The following ZNF670 variants were observed in gnomAD, a reference collection of about 807,000 sequenced individuals.
The protein encoded by ZNF670 is zinc finger protein 670.
A neutral mutation model predicts 10.9 loss-of-function variants in ZNF670; 7 were observed. That is an observed-to-expected ratio of 0.64 (90% confidence interval 0.36 to 1.20). ZNF670 has a LOEUF of 1.20. Ranked by LOEUF, ZNF670 falls within the 50% of genes most tolerant of loss-of-function variation. The probability of loss-of-function intolerance (pLI) is 0.02; values close to 1 mark genes in which losing one functional copy is unlikely to be tolerated. For missense variants in ZNF670, 446 were observed against 458.6 expected, an observed-to-expected ratio of 0.97 and a Z score of 0.25; for synonymous variants, 136 against 152.7, an observed-to-expected ratio of 0.89 and a Z score of 0.81.
In ZNF670 at chr1:247,037,671, T is replaced by C. The variant is rs1173890002; in HGVS notation, c.948A>G (p.Lys316=). 1 of 1,614,042 alleles carries C rather than the reference T, an allele frequency of 6.2e-7. No individual in the cohort carries two copies. The highest frequency in any genetic ancestry group is 2.2e-5 in the East Asian group (1 of 44,880). The change falls in exon 4 of 4, where the codon AAA becomes AAG. Residue 316 remains lysine, a synonymous_variant. Coordinates refer to ENST00000366503, the MANE Select transcript of ZNF670 (RefSeq NM_033213.5). The stretch of plus-strand genomic sequence containing the variant: ...ATAGGTTACTAGAATATTTGAAGGC[T>C]TTACCACATTGTTTACATTCATAGG... ...EKPYECKQCG[K]AFKYSSNLCE...
chr1:247,078,500 T>C, intron 1 of ZNF670, 94 bp downstream of exon 1: 1 of 1,529,898 alleles, frequency 6.5e-7, no homozygotes, highest in Admixed American at 1.9e-5. Context: ...CGGCGGAAAC[T>C]CGGGTCGGCA....
chr1:247,063,043 C>G (rs1021529858), intron 1 of ZNF670, among the ~76,000 whole-genome samples: 2 of 152,104 alleles, frequency 1.3e-5, no homozygotes, highest in Non-Finnish European at 2.9e-5. Context: ...AATGTCTGCG[C>G]TTAGGTAAAA....
chr1:247,038,716 T>C, intron 3 of ZNF670, 94 bp downstream of exon 3: 1 of 1,140,520 alleles, frequency 8.8e-7, no homozygotes, highest in South Asian at 1.5e-5. Context: ...AAAAAAAATT[T>C]CTAGTGGTTC....
intron 1 of ZNF670, among the ~76,000 whole-genome samples, chr1:247,072,852 A>ACG (rs1671170324): frequency 9.6e-6 from 1 of 103,794 alleles, no homozygotes; most frequent in African/African-American, 4.0e-5. Context: ...ATACACACAC[A>ACG]TACACACACA....
At position 247,036,244 on chromosome 1, in the gene ZNF670, C is replaced by T. The variant is rs1409870561; in HGVS notation, c.*1205G>A. 6.6e-6 allele frequency among the ~76,000 whole-genome samples: 1 copy of T among 152,128 alleles called. No homozygotes were observed. Among genetic ancestry groups the T allele is most frequent in the South Asian group, 2.1e-4 (1 of 4,828 alleles). ...AAAAAACACAAGAAAACTTCCTGAG[C>T]CTGTTTGAGAATATTTATGAAAAAT... On this transcript the variant is annotated 3_prime_UTR_variant, in exon 4 of 4. Coordinates refer to ENST00000366503, the MANE Select transcript of ZNF670 (RefSeq NM_033213.5).
chr1:247,049,265 T>C (rs1002456951), intron 1 of ZNF670, among the ~76,000 whole-genome samples: 4 of 151,872 alleles, frequency 2.6e-5, no homozygotes, highest in African/African-American at 7.3e-5. Context: ...GCCCAGCTAA[T>C]TTTTGTATTT....
intron 1 of ZNF670, among the ~76,000 whole-genome samples, chr1:247,072,804 G>GTATA (rs74163726): frequency 0.034 from 1,615 of 47,480 alleles, 77 homozygotes; most frequent in Middle Eastern, 0.061. Context: ...AAAAGTGTGT[G>GTATA]TATATATATA....
rs377326196 is a variant in ZNF670 at position 247,039,128 on chromosome 1, G to A, written c.131-258C>T. 1.1e-4 allele frequency among the ~76,000 whole-genome samples: 16 copies of A among 140,336 alleles called. 1 individual carries two copies. The highest frequency in any genetic ancestry group is 8.0e-4 in the East Asian group (4 of 4,972). The allele number at this position is 140,336 out of a possible 152,430, so 92.1% of individuals were successfully genotyped here. ...GGCTGGAGTGCAGTGGCTCAATCTC[G>A]GCTCACTGCAACCTCCACTTCCTAG... On this transcript the variant is annotated intron_variant, in intron 2 of 3. Coordinates refer to ENST00000366503, the MANE Select transcript of ZNF670 (RefSeq NM_033213.5).
At chr1:247,039,299 G>A (rs1353648983) in intron 2 of ZNF670, 112 bp downstream of exon 2, 12 of 1,240,468 alleles carry the variant, frequency 9.7e-6, no homozygotes, top group South Asian at 3.0e-5. Flanking sequence ...GACCTCAGGC[G>A]ATTCACCCGC....
At chr1:247,043,756 C>A in intron 1 of ZNF670, 1 of 384,614 alleles carries the variant, frequency 2.6e-6, no homozygotes, top group South Asian at 2.1e-5. Flanking sequence ...TAAAACAGGT[C>A]GCATTTCTGT....
chr1:247,038,896 T>A (rs1670234266), intron 2 of ZNF670, 26 bp from the exon 3 acceptor site: 2 of 1,584,704 alleles, frequency 1.3e-6, no homozygotes, highest in Admixed American at 3.4e-5. Context: ...ATAAGATTAT[T>A]CAAATGATTA....
chr1:247,070,237 C>T lies in ZNF670; in HGVS notation c.3+8357G>A, dbSNP rs147797771. ...CTGTAATCCCAGCACTTTGGGAGGCCGAGGTGGGCAGATCACGAGGTCAGG... is the reference window on the plus strand; with the variant it reads ...CTGTAATCCCAGCACTTTGGGAGGCTGAGGTGGGCAGATCACGAGGTCAGG... On this transcript the variant is annotated intron_variant, in intron 1 of 3. Coordinates refer to ENST00000366503, the MANE Select transcript of ZNF670 (RefSeq NM_033213.5). Among the ~76,000 whole-genome samples the T allele has an allele frequency of 2.8e-3, 421 of 152,132 alleles. 4 individuals carry two copies. The highest frequency in any genetic ancestry group is 9.7e-3 in the African/African-American group (401 of 41,492).
chr1:247,065,632 TAAAC>T (rs1409701235), intron 1 of ZNF670, among the ~76,000 whole-genome samples: 7 of 151,984 alleles, frequency 4.6e-5, no homozygotes, highest in Non-Finnish European at 5.9e-5. Context: ...GTAAAAGCAA[TAAAC>T]AAACAAATAA....
Position 247,037,689 on chromosome 1 carries a change from T to C in ZNF670, c.930A>G (p.Glu310=), listed in dbSNP as rs546352675. Residue 310 remains glutamate (E), a synonymous_variant, in exon 4 of 4, where the codon GAA becomes GAG. Transcript: ENST00000366503. ...ERTHSGEKPY[E]CKQCGKAFKY... ...TGAAGGCTTTACCACATTGTTTACA[T>C]TCATAGGGCTTTTCTCCACTGTGAG... 16 of 1,614,046 alleles carry C rather than the reference T, an allele frequency of 9.9e-6. No homozygotes were observed. Among genetic ancestry groups the C allele is most frequent in the Non-Finnish European group, 1.3e-5 (15 of 1,179,986 alleles).
Position 247,039,398 on chromosome 1 carries a change from T to G in ZNF670, c.130+13A>C. ...TTGTAATCAACTACGTGAATAAGTG[T>G]TGTTATTCTTACCTACAGAAGCCAG... is the stretch of plus-strand genomic sequence containing the variant. On this transcript the variant is annotated intron_variant, in intron 2 of 3. Transcript: ENST00000366503. The G allele has an allele frequency of 6.2e-7, 1 of 1,603,048 alleles. No individual in the cohort carries two copies. Among genetic ancestry groups the G allele is most frequent in the African/African-American group, 1.4e-5 (1 of 73,938 alleles).
At chr1:247,061,102 T>A (rs1670845856) in intron 1 of ZNF670, among the ~76,000 whole-genome samples, 1 of 152,008 alleles carries the variant, frequency 6.6e-6, no homozygotes, top group Non-Finnish European at 1.5e-5. Flanking sequence ...TTTTGGAAAC[T>A]CCCTTCAAAT....
At position 247,040,786 on chromosome 1, in the gene ZNF670, C is replaced by T. The variant is rs187031552; in HGVS notation, c.4-1249G>A. On this transcript the variant is annotated intron_variant, in intron 1 of 3. Transcript: ENST00000366503. ...CGGCTCACCACATCCTCCGCTGCCT[C>T]CCAGGTTCAAGCGATTCTCCTGCCT... 5.9e-5 allele frequency among the ~76,000 whole-genome samples: 9 copies of T among 152,218 alleles called. No individual in the cohort carries two copies. In the East Asian group the frequency reaches 1.7e-3, roughly 29 times the overall value.
intron 1 of ZNF670, among the ~76,000 whole-genome samples, chr1:247,072,452 G>A (rs1288180475): frequency 1.3e-5 from 2 of 151,374 alleles, no homozygotes; most frequent in African/African-American, 4.9e-5. Context: ...ACTGTGCCTA[G>A]CCTTATTATT....
chr1:247,060,322 T>C (rs1288344348), intron 1 of ZNF670, among the ~76,000 whole-genome samples: 1 of 152,016 alleles, frequency 6.6e-6, no homozygotes, highest in Non-Finnish European at 1.5e-5. Flanking sequence ...CCCTGACAAA[T>C]ATAATCAGCT....
Sources: gnomAD v4.1 joint callset for allele counts (sites outside exome capture counted in the v4.1 genomes callset) on GRCh38, gnomAD v4.1.1 for gene constraint, MANE v1.5 for transcripts, NCBI Gene and HGNC (gene_info 2026-07-23, HGNC 2026-07-21) for gene names.